CACNA1A: variants seen among roughly 807,000 people sequenced by gnomAD.
CACNA1A encodes calcium voltage-gated channel subunit alpha1 A.
In CACNA1A, 57 loss-of-function variants were observed where a neutral mutation model predicts 262.4. That is an observed-to-expected ratio of 0.22 (90% CI 0.18 to 0.27). CACNA1A has a LOEUF of 0.27. Among genes scored for constraint, CACNA1A ranks in the 10% least tolerant of loss-of-function variants. CACNA1A has a pLI of 1.00. For synonymous variants in CACNA1A, 1,431 were observed against 1,419.3 expected (o/e 1.01, Z -0.18); for missense variants, 2,526 against 3,562.8 (o/e 0.71, Z 7.41).
rs1324572484 is a variant in CACNA1A, at chr19:13,298,900, C to T, written c.2733G>A (p.Glu911=). 1 of 1,594,892 alleles carries T rather than the reference C, an allele frequency of 6.3e-7. No homozygotes were observed. The change falls in exon 19 of 47, where the codon GAG becomes GAA. Residue 911 remains glutamate, a synonymous_variant. Transcript: ENST00000360228. ...CCTCGCCCTCCCAGAACCCGGGTTG[C>T]TCCAGGCTGCCCTCCCGGGCGTGGT... The part of the protein sequence containing the change: ...SDHHAREGSL[E]QPGFWEGEAE...
intron 38 of CACNA1A, among the ~76,000 whole-genome samples, chr19:13,217,753 C>A (rs1362236084): frequency 1.3e-5 from 2 of 152,092 alleles, no homozygotes; most frequent in Non-Finnish European, 2.9e-5. Context: ...AGCTGGGGTG[C>A]TAAGCAGTAA....
At chr19:13,490,827 A>G in intron 1 of CACNA1A, among the ~76,000 whole-genome samples, 1 of 148,830 alleles carries the variant, frequency 6.7e-6, no homozygotes, top group Non-Finnish European at 1.5e-5. Flanking sequence ...AAAGAAAGGA[A>G]GGAAGAAGGG....
In CACNA1A at chr19:13,330,285, G is replaced by C. The variant is rs2058444753; in HGVS notation, c.1304C>G (p.Pro435Arg). 1 of 1,563,696 alleles carries C rather than the reference G, an allele frequency of 6.4e-7. No homozygotes were observed. The highest frequency in any genetic ancestry group is 8.7e-7 in the Non-Finnish European group (1 of 1,153,130). ...IKKSKTDLLN[P>R]EEAEDQLADI... The stretch of plus-strand genomic sequence containing the variant: ...AGCCAGCTGATCCTCAGCCTCTTCG[G>C]GGTTGAGCAAATCTGTCTTGCTTTT... The change falls in exon 10 of 47, where the codon CCC becomes CGC. Residue 435 changes from proline to arginine, a missense_variant. This residue lies in a region of CACNA1A where 104 missense variants were observed against 127.6 expected (regional missense o/e 0.81). Transcript: ENST00000360228.
intron 1 of CACNA1A, among the ~76,000 whole-genome samples, chr19:13,455,793 C>G (rs956512396): frequency 2.0e-5 from 3 of 148,188 alleles, no homozygotes; most frequent in African/African-American, 7.5e-5. Flanking sequence ...TTGCTTGAGC[C>G]GAGGAGGTAG....
At chr19:13,500,205 G>C (rs574684579) in intron 1 of CACNA1A, among the ~76,000 whole-genome samples, 1 of 152,314 alleles carries the variant, frequency 6.6e-6, no homozygotes, top group South Asian at 2.1e-4. Flanking sequence ...TTTAGTTAAT[G>C]GGTGAAGACA....
chr19:13,429,208 CCCT>C (rs2060459790), intron 3 of CACNA1A, among the ~76,000 whole-genome samples: 5 of 145,020 alleles, frequency 3.4e-5, no homozygotes, highest in Non-Finnish European at 7.5e-5. Flanking sequence ...ACACACACAC[CCCT>C]CTTTCTCTCT....
At chr19:13,248,409 C>CAAAAAAAA (rs61481896) in intron 30 of CACNA1A, among the ~76,000 whole-genome samples, 2 of 58,826 alleles carry the variant, frequency 3.4e-5, no homozygotes, top group Non-Finnish European at 3.2e-5. Flanking sequence ...GATCCCATCT[C>CAAAAAAAA]AAAAAAAAAA....
intron 6 of CACNA1A, among the ~76,000 whole-genome samples, chr19:13,348,947 G>A (rs907578534): frequency 1.4e-5 from 2 of 146,138 alleles, no homozygotes; most frequent in Non-Finnish European, 3.0e-5. Flanking sequence ...GATGGAGGTT[G>A]TAGTGAGCCG....
chr19:13,322,525 C>T (rs1027642486), intron 10 of CACNA1A, among the ~76,000 whole-genome samples: 2 of 151,994 alleles, frequency 1.3e-5, no homozygotes, highest in African/African-American at 4.8e-5. Context: ...CCATATAGAG[C>T]CTGTGTTATT....
At chr19:13,219,778 C>A (rs1172139841) in intron 38 of CACNA1A, among the ~76,000 whole-genome samples, 2 of 151,230 alleles carry the variant, frequency 1.3e-5, no homozygotes, top group Non-Finnish European at 2.9e-5. Context: ...ATGGTGAAAC[C>A]CCGTTTCTAC....
chr19:13,241,646 CG>C lies in CACNA1A; in HGVS notation c.4950+3535del. The C allele has an allele frequency of 2.5e-6, 1 of 392,966 alleles. No homozygotes were observed. The highest frequency in any genetic ancestry group is 5.1e-6 in the Non-Finnish European group (1 of 195,556). 24.3% of individuals were successfully genotyped at this position (392,966 alleles called of 1,614,324 possible). The stretch of plus-strand genomic sequence containing the variant: ...CAAAAAACCAATGGGTTTCGGTTCC[CG>C]GGCGGGGAGTGGGGGTGGTGGTGGC... On this transcript the variant is annotated intron_variant, in intron 31 of 46. Coordinates refer to ENST00000360228, the MANE Select transcript of CACNA1A (RefSeq NM_001127222.2). This position sits in a 1 kb window ranked among gnomAD's most constrained non-coding sequence, Gnocchi z 4.0.
chr19:13,393,998 GA>G (rs1320282857), intron 3 of CACNA1A, among the ~76,000 whole-genome samples: 2 of 152,026 alleles, frequency 1.3e-5, no homozygotes, highest in Non-Finnish European at 2.9e-5. Flanking sequence ...CTCAGTTTTT[GA>G]AAATCACTCA....
At chr19:13,256,403 A>G (rs2056571299) in intron 28 of CACNA1A, 4 of 152,160 alleles carry the variant, frequency 2.6e-5, no homozygotes, top group Admixed American at 2.0e-4. Flanking sequence ...AGCAGAGGAT[A>G]TATTCTAGGT....
At chr19:13,433,329 C>T (rs957402700) in intron 3 of CACNA1A, among the ~76,000 whole-genome samples, 10 of 150,364 alleles carry the variant, frequency 6.7e-5, no homozygotes, top group Admixed American at 4.0e-4. Flanking sequence ...GGCATCATGG[C>T]GTGTGCCCAT....
chr19:13,294,185 C>G (rs1600261109), intron 19 of CACNA1A, among the ~76,000 whole-genome samples: 1 of 128,988 alleles, frequency 7.8e-6, no homozygotes, highest in Admixed American at 8.6e-5. Flanking sequence ...ACCTGGGCAA[C>G]AGAGCAAGAC....
intron 3 of CACNA1A, among the ~76,000 whole-genome samples, chr19:13,389,699 C>T (rs564700065): frequency 1.3e-4 from 20 of 152,212 alleles, no homozygotes; most frequent in Middle Eastern, 3.4e-3. Flanking sequence ...TTCCCTGATC[C>T]GCCTGTTCAC....
At chr19:13,359,466 C>A (rs1234097282) in intron 6 of CACNA1A, 140 bp downstream of exon 6, 2 of 634,282 alleles carry the variant, frequency 3.2e-6, no homozygotes, top group Non-Finnish European at 2.8e-6. Context: ...CTCAGGCCAG[C>A]TTCAGTGGGG....
At chr19:13,480,241 C>G (rs1039025369) in intron 1 of CACNA1A, among the ~76,000 whole-genome samples, 1 of 152,170 alleles carries the variant, frequency 6.6e-6, no homozygotes, top group Non-Finnish European at 1.5e-5. Context: ...TCCACCTCTG[C>G]CACCCCTGAG....
chr19:13,361,647 A>C (rs1340333106), intron 5 of CACNA1A, among the ~76,000 whole-genome samples: 1 of 152,202 alleles, frequency 6.6e-6, no homozygotes, highest in Non-Finnish European at 1.5e-5. Flanking sequence ...TGAATGAATG[A>C]ATCTTGTTGG....
Sources: gnomAD v4.1 joint callset for allele counts (sites outside exome capture counted in the v4.1 genomes callset) on GRCh38, gnomAD v4.1.1 for gene constraint, gnomAD v4.1.1 regional missense constraint, Gnocchi (gnomAD v3.1) non-coding constraint, MANE v1.5 for transcripts, NCBI Gene and HGNC (gene_info 2026-07-23, HGNC 2026-07-21) for gene names.